TOLLIP: variants seen among roughly 807,000 people sequenced by gnomAD.
The protein encoded by TOLLIP is toll interacting protein.
In TOLLIP, 16 loss-of-function variants were observed where a neutral mutation model predicts 33.5. That is an observed-to-expected ratio of 0.48 (90% CI 0.32 to 0.72). The LOEUF is 0.72. Among genes scored for constraint, TOLLIP ranks in the 30% least tolerant of loss-of-function variants. The pLI is 0.03. For missense variants in TOLLIP, 325 were observed against 396.6 expected, an observed-to-expected ratio of 0.82 and a Z score of 1.53; for synonymous variants, 176 against 163.7, an observed-to-expected ratio of 1.07 and a Z score of -0.57.
intron 5 of TOLLIP, among the ~76,000 whole-genome samples, chr11:1,284,259 C>T (rs1427706195): frequency 6.6e-6 from 1 of 152,154 alleles, no homozygotes; most frequent in Non-Finnish European, 1.5e-5. Context: ...CTCAAGGCTG[C>T]TTCTGCGTTT....
At chr11:1,302,768 C>A in intron 1 of TOLLIP, 1 of 985,608 alleles carries the variant, frequency 1.0e-6, no homozygotes. Context: ...CTGCTCTTGG[C>A]AAGGCAGCTC....
Position 1,290,845 on chromosome 11 carries a change from C to T in TOLLIP, c.184-436G>A, listed in dbSNP as rs773414168. On this transcript the variant is annotated intron_variant, in intron 2 of 5. Transcript: ENST00000317204. This position sits in a 1 kb window ranked among gnomAD's most constrained non-coding sequence, Gnocchi z 4.9. ...ATGACCCGGGAGAGGTGCATCCTCG[C>T]TCTAGGTGAGAGTGAGGACACCTGC... 6 of 167,444 alleles carry T rather than the reference C, an allele frequency of 3.6e-5. No homozygotes were observed. Among genetic ancestry groups the T allele is most frequent in the Non-Finnish European group, 5.2e-5 (4 of 76,934 alleles). 10.4% of individuals were successfully genotyped at this position (167,444 alleles called of 1,614,324 possible).
At chr11:1,305,052 T>G (rs1014200922) in intron 1 of TOLLIP, among the ~76,000 whole-genome samples, 3 of 152,232 alleles carry the variant, frequency 2.0e-5, no homozygotes, top group African/African-American at 7.2e-5. Flanking sequence ...GTGAATACTC[T>G]CTAAAAGACA....
chr11:1,293,054 G>C (rs749898213), intron 2 of TOLLIP, among the ~76,000 whole-genome samples: 12 of 152,186 alleles, frequency 7.9e-5, no homozygotes, highest in Non-Finnish European at 1.5e-4. Context: ...GCAGTGGGTG[G>C]GTGCGGGGGG....
At chr11:1,283,652 G>C (rs1459561559) in intron 5 of TOLLIP, 1 of 444,822 alleles carries the variant, frequency 2.2e-6, no homozygotes, top group African/African-American at 2.0e-5. Context: ...AAACGTTTTA[G>C]AGCAAACTTG....
Position 1,274,938 on chromosome 11 carries a change from CAG to C in TOLLIP, c.*2099_*2100del. ...GGAGGGGCTCAGCAAGCTGCTTCTA[CAG>C]TAAGCCACTTCTACAGTAAGCCTTC... On this transcript the variant is annotated 3_prime_UTR_variant, in exon 6 of 6. Transcript: ENST00000317204. 6.6e-6 allele frequency: 1 copy of C among 152,258 alleles called. No homozygotes were observed. The highest frequency in any genetic ancestry group is 2.1e-4 in the South Asian group (1 of 4,828). 9.4% of individuals were successfully genotyped at this position (152,258 alleles called of 1,614,324 possible).
In TOLLIP at chr11:1,288,573, G is replaced by A. The variant is rs372408377; in HGVS notation, c.519+51C>T. 6.2e-5 allele frequency: 97 copies of A among 1,562,144 alleles called. No individual in the cohort carries two copies. In the Middle Eastern group the frequency reaches 7.2e-4, roughly 12 times the overall value. On this transcript the variant is annotated intron_variant, in intron 4 of 5. Coordinates refer to ENST00000317204, the MANE Select transcript of TOLLIP (RefSeq NM_019009.4). ...GTCTGTGGGGCGGCATAGCCCCGAC[G>A]TGCTCCAACATACCCCAATGCGCCC...
At chr11:1,287,834 C>T (rs140876532) in intron 4 of TOLLIP, among the ~76,000 whole-genome samples, 349 of 25,058 alleles carry the variant, frequency 0.014, 104 homozygotes, top group East Asian at 0.045. Flanking sequence ...CCGCACCCTC[C>T]CCGCCGCAGC....
At chr11:1,300,388 A>G (rs1158203084) in intron 1 of TOLLIP, among the ~76,000 whole-genome samples, 1 of 152,238 alleles carries the variant, frequency 6.6e-6, no homozygotes, top group Non-Finnish European at 1.5e-5. Context: ...ACGAAAGAAA[A>G]GAGGTCTCCA....
intron 4 of TOLLIP, among the ~76,000 whole-genome samples, chr11:1,287,473 G>A (rs1397475172): frequency 3.5e-4 from 4 of 11,294 alleles, no homozygotes; most frequent in Non-Finnish European, 6.9e-4. Context: ...CAGCCTCCCC[G>A]CCGCACCCTC....
At position 1,278,181 on chromosome 11, in the gene TOLLIP, G is replaced by T. The variant is rs994803462; in HGVS notation, c.611-928C>A. ...ACGAGCAGCCCTGAGCACAGGCAGC[G>T]TGCGCGGGGCTCAGCGACCAGTGAG... On this transcript the variant is annotated intron_variant, in intron 5 of 5. Transcript: ENST00000317204. This position sits in a 1 kb window ranked among gnomAD's most constrained non-coding sequence, Gnocchi z 4.7. Among the ~76,000 whole-genome samples, 1 of 151,446 alleles carries T rather than the reference G, an allele frequency of 6.6e-6. No homozygotes were observed. Among genetic ancestry groups the T allele is most frequent in the Non-Finnish European group, 1.5e-5 (1 of 68,014 alleles).
At position 1,306,498 on chromosome 11, in the gene TOLLIP, C is replaced by T. The variant is rs576514565; in HGVS notation, c.33+2968G>A. ...TCTTTCTGCTGGAAAGCTGAGCGAG[C>T]GCCCTGCTTAACCTCCTGCCTCTCT... is the stretch of plus-strand genomic sequence containing the variant. On this transcript the variant is annotated intron_variant, in intron 1 of 5. Coordinates refer to ENST00000317204, the MANE Select transcript of TOLLIP (RefSeq NM_019009.4). 7.9e-5 allele frequency among the ~76,000 whole-genome samples: 12 copies of T among 152,212 alleles called. No homozygotes were observed. The East Asian group carries it at 1.5e-3, about 20-fold the overall frequency.
At chr11:1,289,159 G>A (rs992482712) in intron 3 of TOLLIP, among the ~76,000 whole-genome samples, 8 of 152,164 alleles carry the variant, frequency 5.3e-5, no homozygotes, top group Admixed American at 1.3e-4. Flanking sequence ...CAGAGCAGCC[G>A]GGGTGCAGAC....
rs972589404 is a variant in TOLLIP at position 1,276,559 on chromosome 11, G to A, written c.*480C>T. 21 of 816,418 alleles carry A rather than the reference G, an allele frequency of 2.6e-5. No individual in the cohort carries two copies. The highest frequency in any genetic ancestry group is 1.1e-4 in the South Asian group (7 of 62,630). The allele number at this position is 816,418 out of a possible 1,614,324, so 50.6% of individuals were successfully genotyped here. ...GCAGGGGCCAGGCTCACAGCAAAGC[G>A]CGTTAGGGCAAGGGCGTGAGTTTTC... On this transcript the variant is annotated 3_prime_UTR_variant, in exon 6 of 6. Coordinates refer to ENST00000317204, the MANE Select transcript of TOLLIP (RefSeq NM_019009.4).
chr11:1,287,307 G>A (rs772176226), intron 4 of TOLLIP, among the ~76,000 whole-genome samples: 5 of 152,138 alleles, frequency 3.3e-5, no homozygotes, highest in African/African-American at 7.2e-5. Flanking sequence ...CGTCACTCAC[G>A]GCCGGGACAT....
rs1863305634 is a variant in TOLLIP at position 1,276,461 on chromosome 11, A to C, written c.*578T>G. On this transcript the variant is annotated 3_prime_UTR_variant, in exon 6 of 6. Transcript: ENST00000317204. ...TCACAAGGCTGGCTGGACAGTGGCCAGGTGAGCCAGGCCAGAGGCCGGCCC... is the reference window on the plus strand; with the variant it reads ...TCACAAGGCTGGCTGGACAGTGGCCCGGTGAGCCAGGCCAGAGGCCGGCCC... The C allele has an allele frequency of 3.0e-6, 1 of 332,824 alleles. No individual in the cohort carries two copies. 20.6% of individuals were successfully genotyped at this position (332,824 alleles called of 1,614,324 possible). A position where few individuals can be genotyped will look rare whatever the true frequency, so the allele number is the denominator to read the frequency against.
Position 1,287,394 on chromosome 11 carries a change from T to G in TOLLIP, c.519+1230A>C, listed in dbSNP as rs6578971. ...GCCCAGAAAAGCAGCTCCCTGCTGC[T>G]GCCTCCCCGCCGCAGCCTCCCCGCC... On this transcript the variant is annotated intron_variant, in intron 4 of 5. Transcript: ENST00000317204. 1.6e-3 allele frequency among the ~76,000 whole-genome samples: 146 copies of G among 88,896 alleles called. 3 individuals carry two copies. Among genetic ancestry groups the G allele is most frequent in the African/African-American group, 2.4e-3 (55 of 22,822 alleles). 58.3% of individuals were successfully genotyped at this position (88,896 alleles called of 152,430 possible). A position where few individuals can be genotyped will look rare whatever the true frequency, so the allele number is the denominator to read the frequency against.
intron 4 of TOLLIP, 122 bp downstream of exon 4, chr11:1,288,502 C>A: frequency 1.6e-6 from 2 of 1,248,182 alleles, no homozygotes; most frequent in Admixed American, 2.5e-5. Flanking sequence ...AGAACGTGAG[C>A]CCTGCTGTTT....
Position 1,305,547 on chromosome 11 carries a change from G to A in TOLLIP, c.33+3919C>T, listed in dbSNP as rs5743880. Among the ~76,000 whole-genome samples, 1,141 of 152,300 alleles carry A rather than the reference G, an allele frequency of 7.5e-3. 4 individuals are homozygous for A. The highest frequency in any genetic ancestry group is 0.013 in the Non-Finnish European group (898 of 68,028). ...TGTTTCAGGACAGCCAGCCGACACC[G>A]GTTGATGGGGAAAGCTAATCTTTAC... is the stretch of plus-strand genomic sequence containing the variant. On this transcript the variant is annotated intron_variant, in intron 1 of 5. Coordinates refer to ENST00000317204, the MANE Select transcript of TOLLIP (RefSeq NM_019009.4).
Sources: gnomAD v4.1 joint callset for allele counts (sites outside exome capture counted in the v4.1 genomes callset) on GRCh38, gnomAD v4.1.1 for gene constraint, Gnocchi (gnomAD v3.1) non-coding constraint, MANE v1.5 for transcripts, NCBI Gene and HGNC (gene_info 2026-07-23, HGNC 2026-07-21) for gene names.